Variants in FHIT observed in about 807,000 individuals in gnomAD.
FHIT encodes the protein fragile histidine triad diadenosine triphosphatase, also known as bis(5'-adenosyl)-triphosphatase.
In FHIT, 19 loss-of-function variants were observed where a neutral mutation model predicts 17.9. That is an observed-to-expected ratio of 1.06 (90% CI 0.74 to 1.56). The LOEUF is 1.56. Ranked by LOEUF, FHIT falls within the 40% of genes most tolerant of loss-of-function variation. The pLI is 0.00. For synonymous variants in FHIT, 81 were observed against 69.7 expected (o/e 1.16, Z -0.81); for missense variants, 248 against 189.2 (o/e 1.31, Z -1.82).
At chr3:60,918,121 C>G (rs1444448133) in intron 3 of FHIT, among the ~76,000 whole-genome samples, 2 of 152,208 alleles carry the variant, frequency 1.3e-5, no homozygotes, top group African/African-American at 4.8e-5. Flanking sequence ...GGGAGTTCCC[C>G]TGCGCAAGCT....
rs916560577 is a variant in FHIT, at chr3:60,472,529, G to A, written c.103+64331C>T. On this transcript the variant is annotated intron_variant, in intron 5 of 9. Coordinates refer to ENST00000492590, the MANE Select transcript of FHIT (RefSeq NM_002012.4). The stretch of plus-strand genomic sequence containing the variant: ...GACTACAGGCACCTGCCACCTCGCC[G>A]GGCTAATTTTTTTGTGTTTGTAGTA... Among the ~76,000 whole-genome samples, 5 of 151,704 alleles carry A rather than the reference G, an allele frequency of 3.3e-5. No individual in the cohort carries two copies. The East Asian group carries it at 5.8e-4, about 18-fold the overall frequency.
chr3:60,515,121 C>G (rs2035101768), intron 5 of FHIT, among the ~76,000 whole-genome samples: 4 of 152,100 alleles, frequency 2.6e-5, no homozygotes, highest in Non-Finnish European at 5.9e-5. Flanking sequence ...AGGAAAGCCT[C>G]TGACCTGGAG....
At chr3:60,820,819 G>C (rs1701899358) in intron 4 of FHIT, among the ~76,000 whole-genome samples, 1 of 152,072 alleles carries the variant, frequency 6.6e-6, no homozygotes, top group South Asian at 2.1e-4. Flanking sequence ...ACCCGGAAAT[G>C]AGAGATACTG....
At position 60,620,374 on chromosome 3, in the gene FHIT, T is replaced by G. The variant is rs547108522; in HGVS notation, c.-17-83395A>C. Among the ~76,000 whole-genome samples, 3 of 152,296 alleles carry G rather than the reference T, an allele frequency of 2.0e-5. No individual in the cohort carries two copies. In the South Asian group the frequency reaches 6.2e-4, roughly 32 times the overall value. On this transcript the variant is annotated intron_variant, in intron 4 of 9. Transcript: ENST00000492590. ...TGTTTATAGTAACTTTATTCAAAATTGCCAAAACCTGGAAGTAATTGAGAT... is the reference window on the plus strand; with the variant it reads ...TGTTTATAGTAACTTTATTCAAAATGGCCAAAACCTGGAAGTAATTGAGAT...
chr3:60,756,889 C>T (rs1553718420), intron 4 of FHIT, among the ~76,000 whole-genome samples: 3 of 152,094 alleles, frequency 2.0e-5, no homozygotes, highest in African/African-American at 4.8e-5. Flanking sequence ...CAATAAGTCA[C>T]CCAAAAAGTC....
intron 2 of FHIT, among the ~76,000 whole-genome samples, chr3:61,068,536 C>G (rs1369779811): frequency 6.6e-6 from 1 of 152,106 alleles, no homozygotes; most frequent in African/African-American, 2.4e-5. Flanking sequence ...CTGGGCCCAC[C>G]CAGGTATTCA....
chr3:61,044,067 C>A (rs780194635), intron 2 of FHIT, among the ~76,000 whole-genome samples: 2 of 152,136 alleles, frequency 1.3e-5, no homozygotes, highest in African/African-American at 2.4e-5. Flanking sequence ...AAAATCAGAG[C>A]GCCTCTTCTC....
intron 5 of FHIT, among the ~76,000 whole-genome samples, chr3:60,378,092 T>C (rs1700648946): frequency 6.6e-6 from 1 of 152,034 alleles, no homozygotes; most frequent in African/African-American, 2.4e-5. Flanking sequence ...AGTGGCGCGA[T>C]CACGGCTCAC....
intron 2 of FHIT, among the ~76,000 whole-genome samples, chr3:61,150,461 A>G (rs2037354511): frequency 6.6e-6 from 1 of 152,034 alleles, no homozygotes; most frequent in African/African-American, 2.4e-5. Flanking sequence ...GTGAGCCACC[A>G]TGCCCAGCCA....
chr3:60,516,337 TAGA>T (rs375756104), intron 5 of FHIT, among the ~76,000 whole-genome samples: 2 of 152,338 alleles, frequency 1.3e-5, no homozygotes, highest in African/African-American at 4.8e-5. Context: ...AATGGCTTGA[TAGA>T]AGATAATTGC....
intron 3 of FHIT, among the ~76,000 whole-genome samples, chr3:60,933,338 T>G (rs1708051584): frequency 6.6e-6 from 1 of 152,222 alleles, no homozygotes; most frequent in Non-Finnish European, 1.5e-5. Context: ...TGAAATTCAT[T>G]TAGTGATATA....
chr3:60,899,192 G>A (rs572960752), intron 3 of FHIT, among the ~76,000 whole-genome samples: 1 of 152,072 alleles, frequency 6.6e-6, no homozygotes, highest in African/African-American at 2.4e-5. Flanking sequence ...TTTAAAATTC[G>A]ATATTTGGTG....
chr3:60,392,358 C>T (rs908877460), intron 5 of FHIT, among the ~76,000 whole-genome samples: 2 of 152,138 alleles, frequency 1.3e-5, no homozygotes, highest in African/African-American at 2.4e-5. Flanking sequence ...AATAAACCAG[C>T]AATTTACAAA....
At chr3:60,036,295 G>A (rs1231670544) in intron 5 of FHIT, among the ~76,000 whole-genome samples, 1 of 152,138 alleles carries the variant, frequency 6.6e-6, no homozygotes, top group East Asian at 1.9e-4. Flanking sequence ...GAAAACCACA[G>A]TCCTTCCTGC....
intron 5 of FHIT, among the ~76,000 whole-genome samples, chr3:60,363,487 T>C (rs1388573178): frequency 6.6e-6 from 1 of 152,186 alleles, no homozygotes; most frequent in African/African-American, 2.4e-5. Context: ...ATGGATCTCA[T>C]TTATTCCCAC....
chr3:60,892,121 T>C (rs1483400942), intron 3 of FHIT, among the ~76,000 whole-genome samples: 2 of 152,210 alleles, frequency 1.3e-5, no homozygotes, highest in African/African-American at 4.8e-5. Flanking sequence ...AAAGAAACTT[T>C]GATAGGTTTT....
intron 5 of FHIT, among the ~76,000 whole-genome samples, chr3:60,207,271 A>G (rs1703241389): frequency 1.3e-5 from 2 of 152,146 alleles, no homozygotes; most frequent in Non-Finnish European, 2.9e-5. Flanking sequence ...TTTAGTTAAG[A>G]AAATTTCTAG....
At chr3:61,080,417 A>G (rs1052329451) in intron 2 of FHIT, among the ~76,000 whole-genome samples, 1 of 152,152 alleles carries the variant, frequency 6.6e-6, no homozygotes, top group Non-Finnish European at 1.5e-5. Context: ...CCTTAGGAAA[A>G]CACTATTGGA....
intron 5 of FHIT, among the ~76,000 whole-genome samples, chr3:60,404,655 C>T (rs998190055): frequency 2.0e-5 from 3 of 152,158 alleles, no homozygotes; most frequent in African/African-American, 7.2e-5. Flanking sequence ...TAGGACCACA[C>T]CTGTCTTTTG....
Sources: allele counts gnomAD v4.1 joint callset (sites outside exome capture counted in the v4.1 genomes callset), GRCh38; gene constraint gnomAD v4.1.1; transcripts MANE v1.5; gene names NCBI Gene and HGNC (gene_info 2026-07-23, HGNC 2026-07-21).